Variants in UBA2 observed in about 807,000 individuals in gnomAD.
UBA2 encodes the protein ubiquitin like modifier activating enzyme 2.
Under a neutral mutation model 77.2 loss-of-function variants are expected in UBA2, and 11 were observed. That is an observed-to-expected ratio of 0.14 (90% CI 0.09 to 0.24). UBA2 has a LOEUF of 0.24. Among genes scored for constraint, UBA2 ranks in the 10% least tolerant of loss-of-function variants. The probability of loss-of-function intolerance (pLI) is 1.00; values close to 1 mark genes in which losing one functional copy is unlikely to be tolerated. For missense variants in UBA2, 487 were observed against 781.7 expected (o/e 0.62, Z 4.50); for synonymous variants, 278 against 276.7 (o/e 1.00, Z -0.05).
In UBA2 at chr19:34,466,977, T is replaced by C; in HGVS notation, c.1704T>C (p.Asn568=). Residue 568 remains asparagine, a synonymous_variant, in exon 16 of 17, where the codon AAT becomes AAC. Transcript: ENST00000246548. The part of the protein sequence containing the change: ...QAEDAAKSIT[N]GSDDGAQPST... ...AAGATGCTGCCAAAAGCATAACCAA[T>C]GGCAGTGATGATGGAGCTCAGCCCT... 1 of 1,614,046 alleles carries C rather than the reference T, an allele frequency of 6.2e-7. No homozygotes were observed. The highest frequency in any genetic ancestry group is 8.5e-7 in the Non-Finnish European group (1 of 1,179,994).
chr19:34,450,164 A>T, intron 8 of UBA2, 101 bp from the exon 9 acceptor site: 1 of 777,960 alleles, frequency 1.3e-6, no homozygotes, highest in Admixed American at 3.0e-5. Context: ...ATGTATCTTT[A>T]AATCAGATTT....
At chr19:34,457,443 C>T (rs2075580570) in intron 12 of UBA2, among the ~76,000 whole-genome samples, 1 of 151,784 alleles carries the variant, frequency 6.6e-6, no homozygotes, top group Non-Finnish European at 1.5e-5. Context: ...TTAATGTTAG[C>T]CCAGGTATTA....
chr19:34,465,454 T>C (rs552812373), intron 15 of UBA2, among the ~76,000 whole-genome samples: 1 of 151,910 alleles, frequency 6.6e-6, no homozygotes, highest in Non-Finnish European at 1.5e-5. Context: ...CTGACCAACA[T>C]GGTGAAACCC....
At chr19:34,442,907 G>C (rs116187248) in intron 6 of UBA2, among the ~76,000 whole-genome samples, 2 of 152,154 alleles carry the variant, frequency 1.3e-5, no homozygotes, top group Non-Finnish European at 1.5e-5. Flanking sequence ...TGAAATTATA[G>C]TTGGGTGGGG....
At chr19:34,439,699 A>T (rs1239670354) in intron 6 of UBA2, among the ~76,000 whole-genome samples, 3 of 151,962 alleles carry the variant, frequency 2.0e-5, no homozygotes, top group Non-Finnish European at 2.9e-5. Context: ...GTGTACCTGT[A>T]CTCCCAGCTA....
At chr19:34,436,422 C>T (rs1161210552) in intron 5 of UBA2, among the ~76,000 whole-genome samples, 8 of 152,236 alleles carry the variant, frequency 5.3e-5, no homozygotes, top group Admixed American at 2.0e-4. Context: ...GCCTCAGTCT[C>T]CCGAGTAGCT....
At chr19:34,432,069 G>C in intron 3 of UBA2, 138 bp downstream of exon 3, 1 of 584,870 alleles carries the variant, frequency 1.7e-6, no homozygotes. Flanking sequence ...CTTACAGAGT[G>C]GCATTCTTTT....
chr19:34,434,139 G>T (rs1260578088), intron 4 of UBA2, among the ~76,000 whole-genome samples: 2 of 152,054 alleles, frequency 1.3e-5, no homozygotes, highest in Non-Finnish European at 2.9e-5. Context: ...TTAAGGCTTG[G>T]GGGGTCTCAC....
chr19:34,457,596 T>C (rs2075582449), intron 12 of UBA2, among the ~76,000 whole-genome samples: 2 of 152,146 alleles, frequency 1.3e-5, no homozygotes, highest in Non-Finnish European at 2.9e-5. Flanking sequence ...CACCTACCAG[T>C]ATTCATTGTA....
intron 14 of UBA2, among the ~76,000 whole-genome samples, chr19:34,462,654 G>A (rs145463416): frequency 6.6e-6 from 1 of 152,206 alleles, no homozygotes; most frequent in East Asian, 1.9e-4. Flanking sequence ...AGTGGGGGGA[G>A]ACTGAAAATT....
chr19:34,456,892 T>A (rs1354624483), intron 12 of UBA2, among the ~76,000 whole-genome samples: 1 of 151,946 alleles, frequency 6.6e-6, no homozygotes, highest in African/African-American at 2.4e-5. Context: ...AAAAAAATTT[T>A]TTATAGCAGC....
intron 8 of UBA2, among the ~76,000 whole-genome samples, chr19:34,448,752 A>G (rs1021890218): frequency 6.6e-6 from 1 of 152,162 alleles, no homozygotes; most frequent in Non-Finnish European, 1.5e-5. Context: ...AACTAGGGAT[A>G]TGGTTGGGAT....
chr19:34,432,866 CTTGT>C (rs2075270787), intron 3 of UBA2, among the ~76,000 whole-genome samples: 1 of 149,572 alleles, frequency 6.7e-6, no homozygotes, highest in East Asian at 1.9e-4. Flanking sequence ...GTATCTCCGG[CTTGT>C]TTTTTAGTTT....
chr19:34,434,244 TA>T (rs1392948283), intron 4 of UBA2, among the ~76,000 whole-genome samples: 6 of 152,166 alleles, frequency 3.9e-5, no homozygotes, highest in Non-Finnish European at 7.3e-5. Flanking sequence ...CTGCAGTAGC[TA>T]CTCTGCAGAC....
chr19:34,429,013 C>T, intron 1 of UBA2: 8 of 985,482 alleles, frequency 8.1e-6, no homozygotes, highest in Non-Finnish European at 9.6e-6. Flanking sequence ...GCGACCAACG[C>T]GTCCCGAGCG....
intron 8 of UBA2, among the ~76,000 whole-genome samples, chr19:34,449,065 C>CTTTTTTTTT (rs11332668): frequency 2.7e-5 from 2 of 73,816 alleles, no homozygotes; most frequent in African/African-American, 5.4e-5. Context: ...AAATATAAAT[C>CTTTTTTTTT]TTTTTTTTTT....
Position 34,436,475 on chromosome 19 carries a change from T to A in UBA2, c.459+1507T>A, listed in dbSNP as rs918008261. ...CCACCACGCCTGGCTAATTTTGTAT[T>A]TTTAGTAGAGACGGGGTTTCTCTAT... On this transcript the variant is annotated intron_variant, in intron 5 of 16. Coordinates refer to ENST00000246548, the MANE Select transcript of UBA2 (RefSeq NM_005499.3). 1.6e-4 allele frequency among the ~76,000 whole-genome samples: 25 copies of A among 152,096 alleles called. 1 individual carries two copies. The highest frequency in any genetic ancestry group is 4.4e-5 in the Non-Finnish European group (3 of 68,016).
intron 6 of UBA2, among the ~76,000 whole-genome samples, chr19:34,442,572 C>T (rs1164210424): frequency 6.6e-6 from 1 of 152,122 alleles, no homozygotes; most frequent in Non-Finnish European, 1.5e-5. Context: ...GCTGGGATTA[C>T]AGGCGTCTGC....
intron 5 of UBA2, among the ~76,000 whole-genome samples, chr19:34,435,448 G>A (rs1398826144): frequency 6.6e-6 from 1 of 152,140 alleles, no homozygotes; most frequent in African/African-American, 2.4e-5. Context: ...TATGGGCAAG[G>A]AAATCTTTCA....
Sources: gnomAD v4.1 joint callset for allele counts (sites outside exome capture counted in the v4.1 genomes callset) on GRCh38, gnomAD v4.1.1 for gene constraint, MANE v1.5 for transcripts, NCBI Gene and HGNC (gene_info 2026-07-23, HGNC 2026-07-21) for gene names.